SIN3A: variants seen among roughly 807,000 people sequenced by gnomAD.
The protein encoded by SIN3A is SIN3 transcription regulator family member A.
In SIN3A, 14 loss-of-function variants were observed where a neutral mutation model predicts 146.1. The observed-to-expected ratio is 0.10, with a 90% CI of 0.06 to 0.15. The LOEUF (loss-of-function observed/expected upper bound fraction) is 0.15, where lower values mean the gene tolerates loss of function less well. SIN3A is among the 10% of genes least tolerant of loss of function. The pLI is 1.00. For synonymous variants in SIN3A, 572 were observed against 572.0 expected (o/e 1.00, Z 0.00); for missense variants, 1,028 against 1,576.0 (o/e 0.65, Z 5.89).
intron 9 of SIN3A, 64 bp downstream of exon 9, chr15:75,406,991 G>T: frequency 1.7e-6 from 2 of 1,175,134 alleles, no homozygotes; most frequent in Non-Finnish European, 2.5e-6. Context: ...ACCTTCCAGG[G>T]GGATAAGATG....
upstream of SIN3A, among the ~76,000 whole-genome samples, chr15:75,454,162 G>GAA (rs75219778): frequency 1.8e-4 from 27 of 150,708 alleles, 1 homozygote; most frequent in African/African-American, 5.6e-4. Flanking sequence ...CTCCCTCCGC[G>GAA]AAAAAAAAAT....
chr15:75,401,022 T>C, intron 10 of SIN3A, 82 bp from the exon 11 acceptor site: 1 of 956,606 alleles, frequency 1.0e-6, no homozygotes, highest in East Asian at 2.5e-5. Flanking sequence ...CATCTGGTTT[T>C]GGATCAGAAA....
upstream of SIN3A, chr15:75,455,019 G>A (rs997807146): frequency 6.6e-6 from 1 of 151,802 alleles, no homozygotes; most frequent in Admixed American, 6.6e-5. Context: ...GAGGCGCAGG[G>A]GCTCTTTCCG....
In SIN3A at chr15:75,396,459, C is replaced by T. The variant is rs1362026779; in HGVS notation, c.1892G>A (p.Arg631Gln). ...CTTCTTCTGTATTGCTTCCAGAACC[C>T]GGATTGTTGCCAGATTGGTCTCTAA... ...VVLETNLATI[R>Q]VLEAIQKKLS... Residue 631 changes from arginine (R) to glutamine (Q), a missense_variant, in exon 13 of 21, where the codon CGG becomes CAG. Physicochemically the swap from Arg to Gln is conservative, Grantham distance 43 (BLOSUM62 1). Around this residue, in one of 9 missense-constraint regions of SIN3A, gnomAD observed 157 missense variants for 284.8 expected, o/e 0.55. Coordinates refer to ENST00000394947, the MANE Select transcript of SIN3A (RefSeq NM_001145358.2). The T allele has an allele frequency of 1.9e-6, 3 of 1,613,916 alleles. No individual in the cohort carries two copies. Among genetic ancestry groups the T allele is most frequent in the Non-Finnish European group, 2.5e-6 (3 of 1,179,956 alleles).
chr15:75,399,696 C>T (rs772926042), intron 12 of SIN3A, among the ~76,000 whole-genome samples: 1 of 152,194 alleles, frequency 6.6e-6, no homozygotes, highest in Non-Finnish European at 1.5e-5. Flanking sequence ...AAAACAGCTT[C>T]AAGAAAGTAC....
chr15:75,407,021 A>G lies in SIN3A; in HGVS notation c.1407+34T>C, dbSNP rs748173000. On this transcript the variant is annotated intron_variant, in intron 9 of 20. Coordinates refer to ENST00000394947, the MANE Select transcript of SIN3A (RefSeq NM_001145358.2). ...AAGATGATTTTCTTTTGGCATTAACAGGCACTATCAAATCTAACTCATCCA... is the reference window on the plus strand; with the variant it reads ...AAGATGATTTTCTTTTGGCATTAACGGGCACTATCAAATCTAACTCATCCA... 3 of 1,425,144 alleles carry G rather than the reference A, an allele frequency of 2.1e-6. No homozygotes were observed. The East Asian group carries it at 6.8e-5, about 32-fold the overall frequency. 88.3% of individuals were successfully genotyped at this position (1,425,144 alleles called of 1,614,324 possible).
At chr15:75,412,681 G>A (rs1015948500) in intron 5 of SIN3A, 82 bp downstream of exon 5, 22 of 1,339,408 alleles carry the variant, frequency 1.6e-5, no homozygotes, top group Non-Finnish European at 2.0e-5. Context: ...CAGTATCTAA[G>A]TCTTATATAA....
At chr15:75,427,354 CAG>C (rs998673931) in intron 2 of SIN3A, among the ~76,000 whole-genome samples, 1 of 150,718 alleles carries the variant, frequency 6.6e-6, no homozygotes, top group African/African-American at 2.4e-5. Flanking sequence ...GCTGGGGCGA[CAG>C]AGCGAGACAC....
intron 19 of SIN3A, among the ~76,000 whole-genome samples, chr15:75,378,420 C>T (rs1020817557): frequency 6.6e-6 from 1 of 152,098 alleles, no homozygotes; most frequent in Admixed American, 6.6e-5. Context: ...CAGAATCAGC[C>T]GGGCGTGGTG....
intron 9 of SIN3A, among the ~76,000 whole-genome samples, chr15:75,405,001 C>G (rs1056732182): frequency 1.3e-5 from 2 of 151,780 alleles, no homozygotes; most frequent in African/African-American, 4.8e-5. Flanking sequence ...TAAAAATTAG[C>G]TGAGTGTGGT....
intron 18 of SIN3A, 141 bp downstream of exon 18, chr15:75,381,472 C>T (rs2072967536): frequency 1.5e-6 from 1 of 648,810 alleles, no homozygotes. Context: ...GCTGGATTGA[C>T]TTGTACTTTA....
chr15:75,400,802 G>A lies in SIN3A; in HGVS notation c.1665C>T (p.Gly555=). The A allele has an allele frequency of 6.2e-7, 1 of 1,614,066 alleles. No individual in the cohort carries two copies. The stretch of plus-strand genomic sequence containing the variant: ...TCTTTGGTAAGGCTCGATAGCTGGA[G>A]CCCAATCGTTTACAAGAAGCATAAT... The part of the protein sequence containing the change: ...EIDYASCKRL[G]SSYRALPKSY... The change falls in exon 11 of 21, where the codon GGC becomes GGT. Residue 555 remains glycine, a synonymous_variant. Coordinates refer to ENST00000394947, the MANE Select transcript of SIN3A (RefSeq NM_001145358.2).
At position 75,369,649 on chromosome 15, in the gene SIN3A, C is replaced by T. The variant is rs1316010400; in HGVS notation, c.*2330G>A. 6.6e-6 allele frequency: 1 copy of T among 152,208 alleles called. No homozygotes were observed. The highest frequency in any genetic ancestry group is 2.4e-5 in the African/African-American group (1 of 41,436). The allele number at this position is 152,208 out of a possible 1,614,324, so 9.4% of individuals were successfully genotyped here. A position where few individuals can be genotyped will look rare whatever the true frequency, so the allele number is the denominator to read the frequency against. ...GGGTTGGGACTTTCTCCTGAACTGGCCTTGAAATCCTATCCTGACCTGCAG... is the reference window on the plus strand; with the variant it reads ...GGGTTGGGACTTTCTCCTGAACTGGTCTTGAAATCCTATCCTGACCTGCAG... On this transcript the variant is annotated 3_prime_UTR_variant, in exon 21 of 21. Coordinates refer to ENST00000394947, the MANE Select transcript of SIN3A (RefSeq NM_001145358.2).
intron 1 of SIN3A, among the ~76,000 whole-genome samples, chr15:75,441,468 ATTT>A (rs929402861): frequency 5.9e-5 from 9 of 151,816 alleles, no homozygotes; most frequent in Non-Finnish European, 1.2e-4. Flanking sequence ...TAAGAAAAAA[ATTT>A]TTTTTAGAGA....
intron 19 of SIN3A, among the ~76,000 whole-genome samples, chr15:75,376,844 A>C (rs2072867702): frequency 6.9e-6 from 1 of 144,608 alleles, no homozygotes; most frequent in Non-Finnish European, 1.5e-5. Context: ...TGGGACACAG[A>C]GCCAGACACT....
chr15:75,415,328 C>G (rs1261667344), intron 3 of SIN3A: 2 of 152,822 alleles, frequency 1.3e-5, no homozygotes, highest in African/African-American at 4.8e-5. Flanking sequence ...CAAAAGTGAT[C>G]CGCCACGGAG....
upstream of SIN3A, among the ~76,000 whole-genome samples, chr15:75,454,252 G>GA (rs141938235): frequency 8.8e-3 from 1,334 of 152,198 alleles, 37 homozygotes; most frequent in East Asian, 0.11. Flanking sequence ...CCAAGAAGGA[G>GA]AAAAAAAGGG....
chr15:75,422,250 A>C, intron 3 of SIN3A: 1 of 316,996 alleles, frequency 3.2e-6, no homozygotes, highest in Non-Finnish European at 5.7e-6. Context: ...ATTTTTAAGA[A>C]TTTAAAAAGA....
chr15:75,406,121 A>G (rs1361479249), intron 9 of SIN3A, among the ~76,000 whole-genome samples: 1 of 152,200 alleles, frequency 6.6e-6, no homozygotes, highest in Non-Finnish European at 1.5e-5. Context: ...ACCACAGATC[A>G]ATCCAGGTTG....
Sources: gnomAD v4.1 joint callset for allele counts (sites outside exome capture counted in the v4.1 genomes callset) on GRCh38, gnomAD v4.1.1 for gene constraint, gnomAD v4.1.1 regional missense constraint, MANE v1.5 for transcripts, NCBI Gene and HGNC (gene_info 2026-07-23, HGNC 2026-07-21) for gene names.